MCAM: variants seen among roughly 807,000 people sequenced by gnomAD.
MCAM encodes the protein cell surface glycoprotein MUC18.
MCAM carries 55 observed loss-of-function variants against 79.1 expected under a neutral mutation model. That is an observed-to-expected ratio of 0.70 (90% CI 0.56 to 0.87). The LOEUF (loss-of-function observed/expected upper bound fraction) is 0.87, where lower values mean the gene tolerates loss of function less well. MCAM is among the 40% of genes least tolerant of loss of function. The pLI is 0.00. For missense variants in MCAM, 745 were observed against 839.8 expected (o/e 0.89, Z 1.40); for synonymous variants, 330 against 339.8 (o/e 0.97, Z 0.32).
chr11:119,309,749 G>A lies in MCAM; in HGVS notation c.*137C>T. On this transcript the variant is annotated 3_prime_UTR_variant, in exon 16 of 16. Coordinates refer to ENST00000264036, the MANE Select transcript of MCAM (RefSeq NM_006500.3). ...TGAGGTCCTCAGGTCCTAACCCAGT[G>A]GCCCTCTGAAAGGGGGTGTGCAGGC... The A allele has an allele frequency of 1.1e-6, 1 of 872,536 alleles. No individual in the cohort carries two copies. The highest frequency in any genetic ancestry group is 2.2e-5 in the Admixed American group (1 of 45,400). 54.0% of individuals were successfully genotyped at this position (872,536 alleles called of 1,614,324 possible). A position where few individuals can be genotyped will look rare whatever the true frequency, so the allele number is the denominator to read the frequency against.
At position 119,310,473 on chromosome 11, in the gene MCAM, G is replaced by C; in HGVS notation, c.1794-7C>G. 2 of 1,549,212 alleles carry C rather than the reference G, an allele frequency of 1.3e-6. No individual in the cohort carries two copies. The highest frequency in any genetic ancestry group is 1.8e-6 in the Non-Finnish European group (2 of 1,121,310). On this transcript the variant is annotated splice_region_variant and splice_polypyrimidine_tract_variant and intron_variant, in intron 14 of 15. Transcript: ENST00000264036. ...ACGAGACGGGGGTAGCGTGCTGGGA[G>C]GAGGGAGGGAGGTGAGAGGTTGGTA...
At position 119,310,749 on chromosome 11, in the gene MCAM, G is replaced by T. The variant is rs1264011692; in HGVS notation, c.1793+7C>A. ...GGCGGGGGCGGAGGGGCCGGTGTTGGGCTTACATCTCCTGCTTCCCTGAGC... is the reference window on the plus strand; with the variant it reads ...GGCGGGGGCGGAGGGGCCGGTGTTGTGCTTACATCTCCTGCTTCCCTGAGC... On this transcript the variant is annotated splice_region_variant and intron_variant, in intron 14 of 15. Coordinates refer to ENST00000264036, the MANE Select transcript of MCAM (RefSeq NM_006500.3). 6.2e-7 allele frequency: 1 copy of T among 1,613,444 alleles called. No homozygotes were observed. The highest frequency in any genetic ancestry group is 1.3e-5 in the African/African-American group (1 of 75,044).
Position 119,315,181 on chromosome 11 carries a change from G to T in MCAM, c.150C>A (p.Leu50=). Residue 50 remains leucine, a synonymous_variant, in exon 2 of 16, where the codon CTC becomes CTA. Coordinates refer to ENST00000264036, the MANE Select transcript of MCAM (RefSeq NM_006500.3). This position sits in a 1 kb window ranked among gnomAD's most constrained non-coding sequence, Gnocchi z 4.4. ...VGSTALLKCG[L]SQSQGNLSHV... ...GGCTGAGGTTGCCTTGGGACTGGGAGAGGCCGCACTTCAGAAGGGCTGTGC... is the reference window on the plus strand; with the variant it reads ...GGCTGAGGTTGCCTTGGGACTGGGATAGGCCGCACTTCAGAAGGGCTGTGC... 2 of 1,613,466 alleles carry T rather than the reference G, an allele frequency of 1.2e-6. No homozygotes were observed. Among genetic ancestry groups the T allele is most frequent in the Non-Finnish European group, 1.7e-6 (2 of 1,180,004 alleles).
Position 119,311,517 on chromosome 11 carries a change from G to A in MCAM, c.1407+13C>T. 2 of 1,614,112 alleles carry A rather than the reference G, an allele frequency of 1.2e-6. No homozygotes were observed. ...GGGATTAGGAGAGTGTGGCAGATGA[G>A]ACACCCGCTCACCGTGCCGTTGACG... On this transcript the variant is annotated intron_variant, in intron 11 of 15. Transcript: ENST00000264036. This position sits in a 1 kb window ranked among gnomAD's most constrained non-coding sequence, Gnocchi z 4.4.
chr11:119,309,750 G>A lies in MCAM; in HGVS notation c.*136C>T, dbSNP rs901799836. On this transcript the variant is annotated 3_prime_UTR_variant, in exon 16 of 16. Transcript: ENST00000264036. ...GAGGTCCTCAGGTCCTAACCCAGTG[G>A]CCCTCTGAAAGGGGGTGTGCAGGCG... 1.1e-6 allele frequency: 1 copy of A among 881,282 alleles called. No homozygotes were observed. Among genetic ancestry groups the A allele is most frequent in the Non-Finnish European group, 1.8e-6 (1 of 553,898 alleles). The allele number at this position is 881,282 out of a possible 1,614,324, so 54.6% of individuals were successfully genotyped here. A position where few individuals can be genotyped will look rare whatever the true frequency, so the allele number is the denominator to read the frequency against.
chr11:119,312,740 C>T lies in MCAM; in HGVS notation c.739+30G>A. On this transcript the variant is annotated intron_variant, in intron 6 of 15. Coordinates refer to ENST00000264036, the MANE Select transcript of MCAM (RefSeq NM_006500.3). The surrounding 1 kb of genome is among the most constrained non-coding windows in gnomAD (Gnocchi z 4.9). ...CAGGAGTTTCCAGCAGCCCCAGCCC[C>T]AGTAAGCAGAGAGTCAGGTTAGTAC... The T allele has an allele frequency of 6.2e-7, 1 of 1,613,246 alleles. No individual in the cohort carries two copies. Among genetic ancestry groups the T allele is most frequent in the South Asian group, 1.1e-5 (1 of 91,032 alleles).
Position 119,314,890 on chromosome 11 carries a change from A to G in MCAM, c.343T>C (p.Leu115=), listed in dbSNP as rs751468006. Residue 115 remains leucine, a synonymous_variant, in exon 3 of 16, where the codon TTG becomes CTG. Transcript: ENST00000264036. ...QVTPQDERIF[L]CQGKRPRSQE... ...GACCGAGGGCGCTTGCCCTGGCACA[A>G]GAAGATGCGCTCGTCTTGGGGGGTG... 4 of 1,613,408 alleles carry G rather than the reference A, an allele frequency of 2.5e-6. No homozygotes were observed. Among genetic ancestry groups the G allele is most frequent in the Non-Finnish European group, 3.4e-6 (4 of 1,180,044 alleles).
chr11:119,309,704 G>A lies in MCAM; in HGVS notation c.*182C>T. On this transcript the variant is annotated 3_prime_UTR_variant, in exon 16 of 16. Coordinates refer to ENST00000264036, the MANE Select transcript of MCAM (RefSeq NM_006500.3). ...ATGGTGGTGGACTGGTCCCTGAAAAGCGGGCCTTGCAGGGCCAAGTGAGGT... is the reference window on the plus strand; with the variant it reads ...ATGGTGGTGGACTGGTCCCTGAAAAACGGGCCTTGCAGGGCCAAGTGAGGT... The A allele has an allele frequency of 1.6e-6, 1 of 625,112 alleles. No individual in the cohort carries two copies. The highest frequency in any genetic ancestry group is 2.9e-6 in the Non-Finnish European group (1 of 347,742). The allele number at this position is 625,112 out of a possible 1,614,324, so 38.7% of individuals were successfully genotyped here.
Position 119,311,749 on chromosome 11 carries a change from G to T in MCAM, c.1285+59C>A. 6.2e-7 allele frequency: 1 copy of T among 1,607,744 alleles called. No individual in the cohort carries two copies. Among genetic ancestry groups the T allele is most frequent in the Admixed American group, 1.7e-5 (1 of 59,432 alleles). On this transcript the variant is annotated intron_variant, in intron 10 of 15. Coordinates refer to ENST00000264036, the MANE Select transcript of MCAM (RefSeq NM_006500.3). This position sits in a 1 kb window ranked among gnomAD's most constrained non-coding sequence, Gnocchi z 4.4. ...GGGCAGCAGGTGGCTTTTTGTCAAA[G>T]AGCTTAAAAACCACCCCACTTGGGG...
chr11:119,311,207 G>C lies in MCAM; in HGVS notation c.1550-22C>G, dbSNP rs189268182. 44 of 1,613,524 alleles carry C rather than the reference G, an allele frequency of 2.7e-5. No homozygotes were observed. The East Asian group carries it at 9.6e-4, about 35-fold the overall frequency. On this transcript the variant is annotated intron_variant, in intron 12 of 15. Transcript: ENST00000264036. This position sits in a 1 kb window ranked among gnomAD's most constrained non-coding sequence, Gnocchi z 4.4. ...TTGACTAGGAGGCAGAGGGAGGGGTGTTAGGAGAAGCGCAAGTTACTGCCC... is the reference window on the plus strand; with the variant it reads ...TTGACTAGGAGGCAGAGGGAGGGGTCTTAGGAGAAGCGCAAGTTACTGCCC...
At chr11:119,310,555 C>CTCCT (rs1950216906) in intron 14 of MCAM, 89 bp from the exon 15 acceptor site, 1 of 1,103,176 alleles carries the variant, frequency 9.1e-7, no homozygotes, top group African/African-American at 1.5e-5. Context: ...TGGATGAGGG[C>CTCCT]TCCTTGCTCC....
Position 119,312,630 on chromosome 11 carries a change from C to A in MCAM, c.758G>T (p.Trp253Leu), listed in dbSNP as rs750463939. The A allele has an allele frequency of 1.9e-6, 3 of 1,614,186 alleles. No homozygotes were observed. The highest frequency in any genetic ancestry group is 4.5e-5 in the East Asian group (2 of 44,882). ...VPVFYPTEKV[W>L]LEVEPVGMLK... ...CATTCCCACGGGCTCCACTTCCAGCCACACTTTTTCTGTCGGGTCTGCATA... is the reference window on the plus strand; with the variant it reads ...CATTCCCACGGGCTCCACTTCCAGCAACACTTTTTCTGTCGGGTCTGCATA... Residue 253 changes from tryptophan to leucine, a missense_variant, in exon 7 of 16, where the codon TGG becomes TTG. Physicochemically the swap from Trp to Leu is moderately conservative, Grantham distance 61. Transcript: ENST00000264036. The surrounding 1 kb of genome is among the most constrained non-coding windows in gnomAD (Gnocchi z 4.9).
At position 119,315,345 on chromosome 11, in the gene MCAM, G is replaced by T; in HGVS notation, c.68-82C>A. On this transcript the variant is annotated intron_variant, in intron 1 of 15. Coordinates refer to ENST00000264036, the MANE Select transcript of MCAM (RefSeq NM_006500.3). The surrounding 1 kb of genome is among the most constrained non-coding windows in gnomAD (Gnocchi z 4.4). ...CTCCCCTCGCAGCGCTGCTGCAGCT[G>T]TTTTTCCTGCCACTCAGAGGGTCTG... 2.7e-6 allele frequency: 4 copies of T among 1,502,168 alleles called. No homozygotes were observed. The highest frequency in any genetic ancestry group is 2.5e-5 in the East Asian group (1 of 40,734). The allele number at this position is 1,502,168 out of a possible 1,614,324, so 93.1% of individuals were successfully genotyped here. A position where few individuals can be genotyped will look rare whatever the true frequency, so the allele number is the denominator to read the frequency against.
In MCAM at chr11:119,315,442, G is replaced by T; in HGVS notation, c.68-179C>A. The T allele has an allele frequency of 1.4e-6, 1 of 692,324 alleles. No homozygotes were observed. The highest frequency in any genetic ancestry group is 2.4e-6 in the Non-Finnish European group (1 of 421,494). 42.9% of individuals were successfully genotyped at this position (692,324 alleles called of 1,614,324 possible). A position where few individuals can be genotyped will look rare whatever the true frequency, so the allele number is the denominator to read the frequency against. On this transcript the variant is annotated intron_variant, in intron 1 of 15. Transcript: ENST00000264036. This position sits in a 1 kb window ranked among gnomAD's most constrained non-coding sequence, Gnocchi z 4.4. ...CCCCACCTGGGCCAGCCCTCTCCCCGTCCAGGAGATCCCAGGTCCTTGGAG... is the reference window on the plus strand; with the variant it reads ...CCCCACCTGGGCCAGCCCTCTCCCCTTCCAGGAGATCCCAGGTCCTTGGAG...
chr11:119,311,964 G>A lies in MCAM; in HGVS notation c.1144-15C>T, dbSNP rs776303410. 10 of 1,613,024 alleles carry A rather than the reference G, an allele frequency of 6.2e-6. No individual in the cohort carries two copies. The highest frequency in any genetic ancestry group is 5.0e-5 in the Admixed American group (3 of 59,980). ...ACCTGGCCTGTCTGGGATGAGAGAT[G>A]GGTCAGAGGGTCTGGGAAAGAGCAC... On this transcript the variant is annotated splice_polypyrimidine_tract_variant and intron_variant, in intron 9 of 15. Coordinates refer to ENST00000264036, the MANE Select transcript of MCAM (RefSeq NM_006500.3). This position sits in a 1 kb window ranked among gnomAD's most constrained non-coding sequence, Gnocchi z 4.4.
chr11:119,314,523 G>T lies in MCAM; in HGVS notation c.525C>A (p.Tyr175Ter). ...NGYPIPQVIW[Y>*]KNGRPLKEEK... ...CCTCCTTCAGAGGCCGGCCATTCTT[G>T]TACCAGATGACTTGAGGAATGGGGT... Residue 175 changes from tyrosine to a stop codon, truncating the protein, a stop_gained, in exon 5 of 16, where the codon TAC (tyrosine) becomes TAA (stop). Coordinates refer to ENST00000264036, the MANE Select transcript of MCAM (RefSeq NM_006500.3). LOFTEE classifies it high-confidence loss of function. The T allele has an allele frequency of 1.2e-6, 2 of 1,613,792 alleles. No individual in the cohort carries two copies. The highest frequency in any genetic ancestry group is 1.7e-6 in the Non-Finnish European group (2 of 1,179,970).
chr11:119,310,784 G>T lies in MCAM; in HGVS notation c.1765C>A (p.Pro589Thr). 6.2e-7 allele frequency: 1 copy of T among 1,614,100 alleles called. No individual in the cohort carries two copies. The highest frequency in any genetic ancestry group is 1.1e-5 in the South Asian group (1 of 91,092). The change falls in exon 14 of 16, where the codon CCG becomes ACG. Residue 589 changes from proline to threonine, a missense_variant. By Grantham distance (38) the Pro-to-Thr change is conservative (BLOSUM62 -1). Transcript: ENST00000264036. ...TCCTGCTTCCCTGAGCGCCTGCACG[G>T]CAGCTTGCCCTTCTTATAGAGGAAA... ...LYFLYKKGKL[P>T]CRRSGKQEIT...
In MCAM at chr11:119,317,066, G is replaced by A. The variant is rs1268066657; in HGVS notation, c.36C>T (p.Leu12=). 7.2e-6 allele frequency: 11 copies of A among 1,535,080 alleles called. No individual in the cohort carries two copies. The highest frequency in any genetic ancestry group is 2.8e-5 in the African/African-American group (2 of 71,798). The part of the protein sequence containing the change: ...GLPRLVCAFL[L]AACCCCPRVA... ...CGCGAGGACAGCAGCAGCAGGCGGC[G>A]AGCAAGAAGGCGCAGACCAGCCTGG... is the stretch of plus-strand genomic sequence containing the variant. The change falls in exon 1 of 16, where the codon CTC becomes CTT. Residue 12 remains leucine, a synonymous_variant. Transcript: ENST00000264036. This position sits in a 1 kb window ranked among gnomAD's most constrained non-coding sequence, Gnocchi z 6.2.
intron 14 of MCAM, 65 bp downstream of exon 14, chr11:119,310,691 C>T (rs1236200594): frequency 1.4e-5 from 21 of 1,553,398 alleles, no homozygotes; most frequent in Non-Finnish European, 1.8e-5. Context: ...GGCAGGCGGG[C>T]GCTGGGCAGG....
Sources: allele counts gnomAD v4.1 joint callset, GRCh38; gene constraint gnomAD v4.1.1; non-coding constraint Gnocchi (gnomAD v3.1); transcripts MANE v1.5; gene names NCBI Gene and HGNC (gene_info 2026-07-23, HGNC 2026-07-21).